LONRF3: variants seen among roughly 807,000 people sequenced by gnomAD.
LONRF3 encodes LON peptidase N-terminal domain and RING finger protein 3.
Under a neutral mutation model 51.7 loss-of-function variants are expected in LONRF3, and 19 were observed. The ratio of observed to expected loss-of-function variants is 0.37; its 90% CI spans 0.26 to 0.54. The LOEUF (loss-of-function observed/expected upper bound fraction) is 0.54. Ranked by LOEUF, LONRF3 falls within the 20% of genes least tolerant of loss-of-function variation. The pLI, the probability that LONRF3 is intolerant of heterozygous loss-of-function variation, is 0.86. For synonymous variants in LONRF3, 265 were observed against 257.8 expected, an observed-to-expected ratio of 1.03 and a Z score of -0.27; for missense variants, 521 against 623.9, an observed-to-expected ratio of 0.84 and a Z score of 1.76.
At chrX:118,986,009 A>C (rs763233861) in intron 3 of LONRF3, among the ~76,000 whole-genome samples, 17 of 107,237 alleles carry the variant, frequency 1.6e-4, no homozygotes, top group Non-Finnish European at 2.9e-4. Flanking sequence ...TTTAGAAGCA[A>C]AGTCACCTGC....
In LONRF3 at chrX:118,975,440, G is replaced by A; in HGVS notation, c.660G>A (p.Pro220=). Residue 220 remains proline (P), a synonymous_variant, in exon 1 of 11, where the codon CCG becomes CCA. Transcript: ENST00000371628. ...RGARRAGQQP[P]PPLRVNVVLS... ...CCCGGCGGGCTGGGCAGCAGCCGCCGCCGCCGCTGCGAGTCAACGTGGTGC... is the reference window on the plus strand; with the variant it reads ...CCCGGCGGGCTGGGCAGCAGCCGCCACCGCCGCTGCGAGTCAACGTGGTGC... 8.4e-7 allele frequency: 1 copy of A among 1,186,262 alleles called. No homozygotes were observed. Among genetic ancestry groups the A allele is most frequent in the African/African-American group, 1.7e-5 (1 of 57,145 alleles).
rs1258990887 is a variant in LONRF3 at position 118,984,844 on chromosome X, A to G, written c.1059+1901A>G. Among the ~76,000 whole-genome samples the G allele has an allele frequency of 1.5e-4, 17 of 112,294 alleles. No individual in the cohort carries two copies. The Admixed American group carries it at 1.6e-3, about 11-fold the overall frequency. ...GAGTCCTCAGTTGTGTTTATTTACT[A>G]GATCATTCCAGTTTCAGGGCTAAAG... On this transcript the variant is annotated intron_variant, in intron 3 of 10. Coordinates refer to ENST00000371628, the MANE Select transcript of LONRF3 (RefSeq NM_001031855.3).
Position 118,990,867 on chromosome X carries a change from T to C in LONRF3, c.1415+307T>C, listed in dbSNP as rs936687202. Among the ~76,000 whole-genome samples the C allele has an allele frequency of 3.6e-5, 4 of 110,812 alleles. No individual in the cohort carries two copies. The Admixed American group carries it at 3.8e-4, about 11-fold the overall frequency. On this transcript the variant is annotated intron_variant, in intron 5 of 10. Transcript: ENST00000371628. ...TGAATATGTCTTTTTTTTTTATGTC[T>C]TTTTTTTGGAGACAGAGTCTTGCTC...
intron 6 of LONRF3, among the ~76,000 whole-genome samples, chrX:119,008,407 C>T (rs965668553): frequency 9.0e-6 from 1 of 111,568 alleles, no homozygotes; most frequent in South Asian, 3.7e-4. Flanking sequence ...ATACCCACTA[C>T]CTAAACATCC....
At chrX:118,993,903 G>T (rs1364469214) in intron 5 of LONRF3, among the ~76,000 whole-genome samples, 1 of 112,005 alleles carries the variant, frequency 8.9e-6, no homozygotes, top group Non-Finnish European at 1.9e-5. Flanking sequence ...TACCAGCCAA[G>T]AATTTTGTAT....
Position 118,978,440 on chromosome X carries a change from A to C in LONRF3, c.913A>C (p.Lys305Gln). 8.3e-7 allele frequency: 1 copy of C among 1,198,952 alleles called. No individual in the cohort carries two copies. The highest frequency in any genetic ancestry group is 1.1e-6 in the Non-Finnish European group (1 of 884,557). The part of the protein sequence containing the change: ...NALHDAEIAC[K>Q]LRPMGFKAHF... ...ACTGCATGATGCAGAAATAGCATGT[A>C]AGCTCCGCCCGATGGGTTTTAAGGT... Residue 305 changes from lysine to glutamine, a missense_variant, in exon 2 of 11, where the codon AAG becomes CAG. Transcript: ENST00000371628.
At chrX:119,012,877 C>T (rs1404972418) in intron 8 of LONRF3, 162 bp from the exon 9 acceptor site, 1 of 1,192,716 alleles carries the variant, frequency 8.4e-7, no homozygotes, top group Non-Finnish European at 1.1e-6. Flanking sequence ...TTTCTTCACA[C>T]AGGCACTGCC....
intron 3 of LONRF3, among the ~76,000 whole-genome samples, chrX:118,986,137 A>ATGTG (rs1922947777): frequency 1.8e-5 from 2 of 110,041 alleles, no homozygotes; most frequent in South Asian, 8.0e-4. Context: ...TGGGGCAAGA[A>ATGTG]TGTGGACAGT....
rs1219618382 is a variant in LONRF3 at position 119,017,808 on chromosome X, C to T, written c.*118C>T. The T allele has an allele frequency of 3.0e-6, 2 of 669,627 alleles. No homozygotes were observed. The highest frequency in any genetic ancestry group is 8.0e-5 in the Admixed American group (2 of 25,147). The allele number at this position is 669,627 out of a possible 1,213,427, so 55.2% of individuals were successfully genotyped here. On this transcript the variant is annotated 3_prime_UTR_variant, in exon 11 of 11. Coordinates refer to ENST00000371628, the MANE Select transcript of LONRF3 (RefSeq NM_001031855.3). ...AGAAGGGGGTGTCAAACAGAGGCAT[C>T]AGCCTGCTGTTGATCACAGAGAGAA...
In LONRF3 at chrX:118,993,031, C is replaced by T. The variant is rs187986963; in HGVS notation, c.1415+2471C>T. Among the ~76,000 whole-genome samples, 35 of 111,400 alleles carry T rather than the reference C, an allele frequency of 3.1e-4. 1 individual carries two copies. The highest frequency in any genetic ancestry group is 1.1e-3 in the African/African-American group (33 of 30,556). On this transcript the variant is annotated intron_variant, in intron 5 of 10. Transcript: ENST00000371628. ...AAGAATCTGAACAACAGCCTTTAGCCCTAGACCTTCCCTCTGACAGAGCCT... is the reference window on the plus strand; with the variant it reads ...AAGAATCTGAACAACAGCCTTTAGCTCTAGACCTTCCCTCTGACAGAGCCT...
chrX:118,995,353 A>T (rs764731175), intron 5 of LONRF3, among the ~76,000 whole-genome samples: 1 of 112,102 alleles, frequency 8.9e-6, no homozygotes, highest in Admixed American at 9.5e-5. Flanking sequence ...TGCTAAGAGG[A>T]TAGTTCATAT....
At chrX:119,005,629 G>A (rs1009304539) in intron 5 of LONRF3, among the ~76,000 whole-genome samples, 1 of 112,014 alleles carries the variant, frequency 8.9e-6, no homozygotes, top group Non-Finnish European at 1.9e-5. Flanking sequence ...TTGCTTAGAC[G>A]AAAAGAGGAA....
intron 5 of LONRF3, among the ~76,000 whole-genome samples, chrX:118,992,745 C>G (rs975845774): frequency 5.1e-4 from 57 of 111,544 alleles, no homozygotes; most frequent in Admixed American, 9.5e-5. Context: ...ACCACCAAAG[C>G]TAAGAAGCCT....
chrX:118,984,202 A>G (rs1922787043), intron 3 of LONRF3, among the ~76,000 whole-genome samples: 1 of 112,064 alleles, frequency 8.9e-6, no homozygotes, highest in Non-Finnish European at 1.9e-5. Flanking sequence ...TGACTTTCCC[A>G]AGGTCATGCA....
chrX:119,006,414 T>C (rs1924714132), intron 6 of LONRF3, among the ~76,000 whole-genome samples, 179 bp downstream of exon 6: 1 of 103,478 alleles, frequency 9.7e-6, no homozygotes, highest in South Asian at 4.6e-4. Flanking sequence ...TTTTTTTTTT[T>C]TTTTTGACTG....
At chrX:118,996,983 A>T (rs1476219615) in intron 5 of LONRF3, among the ~76,000 whole-genome samples, 1 of 110,563 alleles carries the variant, frequency 9.0e-6, no homozygotes, top group Non-Finnish European at 1.9e-5. Context: ...GAAATTGGAG[A>T]CAACACAAAC....
chrX:119,008,983 G>C, intron 6 of LONRF3, 143 bp from the exon 7 acceptor site: 1 of 368,185 alleles, frequency 2.7e-6, no homozygotes, highest in Non-Finnish European at 4.7e-6. Context: ...CATATATTAT[G>C]ATGGTAACAG....
At chrX:119,015,629 C>T (rs762744724) in intron 10 of LONRF3, among the ~76,000 whole-genome samples, 13 of 112,093 alleles carry the variant, frequency 1.2e-4, no homozygotes, top group Non-Finnish European at 1.5e-4. Context: ...CTTCACCTTC[C>T]GGGAAGCGTT....
chrX:118,992,963 A>G (rs1056548210), intron 5 of LONRF3, among the ~76,000 whole-genome samples: 1 of 111,591 alleles, frequency 9.0e-6, no homozygotes, highest in Admixed American at 9.5e-5. Context: ...ACCCATAGGA[A>G]AAGGGGGAGA....
Sources: gnomAD v4.1 joint callset for allele counts (sites outside exome capture counted in the v4.1 genomes callset) on GRCh38, gnomAD v4.1.1 for gene constraint, MANE v1.5 for transcripts, NCBI Gene and HGNC (gene_info 2026-07-23, HGNC 2026-07-21) for gene names.